The following SMG6 variants were observed in gnomAD, a reference collection of about 807,000 sequenced individuals.
SMG6 encodes the protein SMG6 nonsense mediated mRNA decay factor.
In SMG6, 66 loss-of-function variants were observed where a neutral mutation model predicts 142.2. The ratio of observed to expected loss-of-function variants is 0.46; its 90% CI spans 0.38 to 0.57. The LOEUF is 0.57. Ranked by LOEUF, SMG6 falls within the 20% of genes least tolerant of loss-of-function variation. The probability of loss-of-function intolerance (pLI) is 0.00; values close to 1 mark genes in which losing one functional copy is unlikely to be tolerated. For missense variants in SMG6, 1,793 were observed against 1,832.0 expected (o/e 0.98, Z 0.39); for synonymous variants, 779 against 702.4 (o/e 1.11, Z -1.72).
intron 8 of SMG6, among the ~76,000 whole-genome samples, chr17:2,253,337 G>T (rs1305411000): frequency 6.6e-6 from 1 of 151,944 alleles, no homozygotes; most frequent in Non-Finnish European, 1.5e-5. Context: ...TAGAGATGGG[G>T]TTTCACCGTG....
chr17:2,260,777 C>T lies in SMG6; in HGVS notation c.2662-16058G>A, dbSNP rs569134583. Among the ~76,000 whole-genome samples the T allele has an allele frequency of 8.9e-5, 13 of 146,862 alleles. 1 individual carries two copies. In the South Asian group the frequency reaches 2.8e-3, roughly 32 times the overall value. Reference sequence around the variant, plus strand: ...TGGGAGGCCGAGGTGGGTGGATCACCTGAGGTCAGGAGTTTGAGACCAGCC... The same window carrying T: ...TGGGAGGCCGAGGTGGGTGGATCACTTGAGGTCAGGAGTTTGAGACCAGCC... On this transcript the variant is annotated intron_variant, in intron 8 of 18. Transcript: ENST00000263073.
intron 8 of SMG6, among the ~76,000 whole-genome samples, chr17:2,247,360 C>T (rs1597701759): frequency 6.6e-6 from 1 of 152,176 alleles, no homozygotes; most frequent in African/African-American, 2.4e-5. Flanking sequence ...CTCTCTCTTC[C>T]TATTTTAACT....
At chr17:2,254,462 GT>G (rs1368914605) in intron 8 of SMG6, among the ~76,000 whole-genome samples, 1 of 152,278 alleles carries the variant, frequency 6.6e-6, no homozygotes, top group East Asian at 1.9e-4. Context: ...AGCTTCCCAA[GT>G]AGCTGGGACT....
Position 2,068,598 on chromosome 17 carries a change from T to A in SMG6, c.3835+180A>T, listed in dbSNP as rs913366354. On this transcript the variant is annotated intron_variant, in intron 16 of 18. Coordinates refer to ENST00000263073, the MANE Select transcript of SMG6 (RefSeq NM_017575.5). The surrounding 1 kb of genome is among the most constrained non-coding windows in gnomAD (Gnocchi z 6.7). ...TTAAGCCATGGATCAGCCATGAGAATGTGAACTACTTTGATTATTAAACAG... is the reference window on the plus strand; with the variant it reads ...TTAAGCCATGGATCAGCCATGAGAAAGTGAACTACTTTGATTATTAAACAG... Among the ~76,000 whole-genome samples, 1 of 152,242 alleles carries A rather than the reference T, an allele frequency of 6.6e-6. No homozygotes were observed.
intron 18 of SMG6, chr17:2,061,856 C>T: frequency 8.1e-6 from 4 of 496,880 alleles, no homozygotes; most frequent in East Asian, 3.7e-5. Flanking sequence ...ATACAGGACT[C>T]TCTTCTGCCT....
intron 9 of SMG6, among the ~76,000 whole-genome samples, chr17:2,242,502 C>G (rs548937542): frequency 2.7e-5 from 4 of 150,810 alleles, no homozygotes; most frequent in African/African-American, 9.9e-5. Flanking sequence ...TGCACTCCAG[C>G]CTGGGCGACA....
intron 10 of SMG6, among the ~76,000 whole-genome samples, chr17:2,232,311 T>C (rs1374326816): frequency 6.6e-6 from 1 of 152,074 alleles, no homozygotes; most frequent in Admixed American, 6.5e-5. Context: ...CGTCAACCAA[T>C]GAGATGACTA....
At chr17:2,076,630 G>A (rs2068267393) in intron 15 of SMG6, among the ~76,000 whole-genome samples, 3 of 152,118 alleles carry the variant, frequency 2.0e-5, no homozygotes, top group African/African-American at 4.8e-5. Flanking sequence ...AGACAGATGT[G>A]TCTGGCTTAC....
intron 13 of SMG6, among the ~76,000 whole-genome samples, chr17:2,153,406 G>C (rs2070886429): frequency 6.6e-6 from 1 of 152,178 alleles, no homozygotes. Flanking sequence ...AATTTTTGGG[G>C]GTGTTGAAAA....
chr17:2,261,964 T>C (rs1248409722), intron 8 of SMG6, among the ~76,000 whole-genome samples: 1 of 152,230 alleles, frequency 6.6e-6, no homozygotes, highest in African/African-American at 2.4e-5. Flanking sequence ...GAATGTCAAA[T>C]GTGTTAACAT....
rs112429979 is a variant in SMG6 at position 2,166,952 on chromosome 17, C to G, written c.3357+5706G>C. On this transcript the variant is annotated intron_variant, in intron 13 of 18. Coordinates refer to ENST00000263073, the MANE Select transcript of SMG6 (RefSeq NM_017575.5). ...ACCAGCCTGGCCAATATGGCAAAAC[C>G]CCGTCTCTACTAAAAATACAAAAAA... 3.9e-3 allele frequency among the ~76,000 whole-genome samples: 591 copies of G among 151,702 alleles called. 2 individuals carry two copies. The highest frequency in any genetic ancestry group is 0.01 in the Middle Eastern group (3 of 292).
Position 2,299,815 on chromosome 17 carries a change from T to C in SMG6, c.938A>G (p.Asp313Gly), listed in dbSNP as rs114310247. 2.2e-3 allele frequency: 3,483 copies of C among 1,614,210 alleles called. 66 individuals are homozygous for C. In the African/African-American group the frequency reaches 0.037, roughly 17 times the overall value. Residue 313 changes from aspartate to glycine, a missense_variant, in exon 2 of 19, where the codon GAT becomes GGT. Physicochemically the swap from Asp to Gly is moderately conservative, Grantham distance 94 (BLOSUM62 -1). Coordinates refer to ENST00000263073, the MANE Select transcript of SMG6 (RefSeq NM_017575.5). This position sits in a 1 kb window ranked among gnomAD's most constrained non-coding sequence, Gnocchi z 4.3. ...TGAACTTCTCCTGGGTCCTAATCCA[T>C]CAGGCTCATCAATTCTGTCCTCGTC... ...SLDEDRIDEP[D>G]GLGPRRSSER... is the part of the protein sequence containing the mutation.
chr17:2,191,330 T>C (rs1203954567), intron 10 of SMG6, among the ~76,000 whole-genome samples: 4 of 152,090 alleles, frequency 2.6e-5, no homozygotes, highest in Admixed American at 2.6e-4. Flanking sequence ...AGCATCTAGA[T>C]TCCCAGAGTC....
chr17:2,278,051 A>G (rs1363727064), intron 8 of SMG6, among the ~76,000 whole-genome samples: 1 of 152,084 alleles, frequency 6.6e-6, no homozygotes, highest in South Asian at 2.1e-4. Context: ...CTATCTCTCA[A>G]AAAAAAATTT....
At chr17:2,135,322 G>A (rs1453317577) in intron 13 of SMG6, among the ~76,000 whole-genome samples, 1 of 152,126 alleles carries the variant, frequency 6.6e-6, no homozygotes, top group African/African-American at 2.4e-5. Flanking sequence ...TTTATTTGTG[G>A]TGAGAACATT....
At chr17:2,146,169 G>A (rs140150317) in intron 13 of SMG6, among the ~76,000 whole-genome samples, 1 of 152,278 alleles carries the variant, frequency 6.6e-6, no homozygotes, top group Non-Finnish European at 1.5e-5. Flanking sequence ...AAAACCTAGT[G>A]AAGCATGTGG....
intron 6 of SMG6, 46 bp downstream of exon 6, chr17:2,292,506 G>T: frequency 6.4e-7 from 1 of 1,569,360 alleles, no homozygotes; most frequent in South Asian, 1.1e-5. Flanking sequence ...CATATTGTAA[G>T]ATACTTCCTG....
intron 10 of SMG6, among the ~76,000 whole-genome samples, chr17:2,218,010 A>AAAAAAC (rs2073066111): frequency 7.2e-6 from 1 of 139,130 alleles, no homozygotes; most frequent in East Asian, 2.0e-4. Context: ...ACTCGGTCTC[A>AAAAAAC]AAAAACAAAA....
chr17:2,176,995 C>T (rs543448398), intron 12 of SMG6, among the ~76,000 whole-genome samples: 1 of 152,300 alleles, frequency 6.6e-6, no homozygotes, highest in Non-Finnish European at 1.5e-5. Flanking sequence ...CAGCCCAGGC[C>T]AGCCCAGGTG....
Sources: allele counts gnomAD v4.1 joint callset (sites outside exome capture counted in the v4.1 genomes callset), GRCh38; gene constraint gnomAD v4.1.1; non-coding constraint Gnocchi (gnomAD v3.1); transcripts MANE v1.5; gene names NCBI Gene and HGNC (gene_info 2026-07-23, HGNC 2026-07-21).